Variants in SLC30A7 observed in about 807,000 individuals in gnomAD.
The protein encoded by SLC30A7 is solute carrier family 30 member 7.
A neutral mutation model predicts 46.0 loss-of-function variants in SLC30A7; 35 were observed. The ratio of observed to expected loss-of-function variants is 0.76; its 90% CI spans 0.58 to 1.01. SLC30A7 has a LOEUF of 1.01. SLC30A7 is among the 50% of genes least tolerant of loss of function. The probability of loss-of-function intolerance (pLI) is 0.00; values close to 1 mark genes in which losing one functional copy is unlikely to be tolerated. For synonymous variants in SLC30A7, 147 were observed against 157.8 expected (o/e 0.93, Z 0.51); for missense variants, 464 against 451.1 (o/e 1.03, Z -0.26).
At chr1:100,915,234 TTTC>T (rs1652447093) in intron 6 of SLC30A7, among the ~76,000 whole-genome samples, 3 of 135,162 alleles carry the variant, frequency 2.2e-5, no homozygotes, top group Non-Finnish European at 4.9e-5. Flanking sequence ...TCTTTCTTTC[TTTC>T]TTTCTTTCTT....
At chr1:100,917,040 T>C (rs891849664) in intron 6 of SLC30A7, among the ~76,000 whole-genome samples, 3 of 152,242 alleles carry the variant, frequency 2.0e-5, no homozygotes, top group Non-Finnish European at 4.4e-5. Context: ...AGAAGCTTTT[T>C]AATTTGATGT....
chr1:100,896,551 C>A lies in SLC30A7; in HGVS notation c.81-19C>A. ...CCTCCTTAACTCTCCCGGCTCTTTTCCACGTGTATCATTCCCAGGTCTATA... is the reference window on the plus strand; with the variant it reads ...CCTCCTTAACTCTCCCGGCTCTTTTACACGTGTATCATTCCCAGGTCTATA... On this transcript the variant is annotated intron_variant, in intron 1 of 10. Transcript: ENST00000357650. The A allele has an allele frequency of 6.2e-7, 1 of 1,609,246 alleles. No individual in the cohort carries two copies. The highest frequency in any genetic ancestry group is 8.5e-7 in the Non-Finnish European group (1 of 1,175,868).
chr1:100,930,244 T>A (rs1202572637), intron 8 of SLC30A7, among the ~76,000 whole-genome samples: 1 of 152,048 alleles, frequency 6.6e-6, no homozygotes, highest in East Asian at 1.9e-4. Flanking sequence ...TACCACAAAA[T>A]CATTTGTAAG....
At chr1:100,942,515 T>C (rs950366018) in intron 8 of SLC30A7, among the ~76,000 whole-genome samples, 10 of 152,130 alleles carry the variant, frequency 6.6e-5, no homozygotes, top group Admixed American at 2.0e-4. Context: ...GTGTGGGGTT[T>C]TTTCCCCAGA....
At chr1:100,896,433 G>C (rs1230744900) in intron 1 of SLC30A7, 91 bp downstream of exon 1, 5 of 1,480,760 alleles carry the variant, frequency 3.4e-6, no homozygotes, top group East Asian at 2.3e-5. Flanking sequence ...GTGAGGGAGA[G>C]TCAAAAACTC....
chr1:100,962,017 T>C (rs755680938), intron 9 of SLC30A7, 99 bp downstream of exon 9: 82 of 620,476 alleles, frequency 1.3e-4, no homozygotes, highest in Non-Finnish European at 2.0e-4. Context: ...TATAATTGAC[T>C]GTTTCTTCCA....
At chr1:100,982,854 T>A (rs1401578798), downstream of SLC30A7, among the ~76,000 whole-genome samples, 1 of 152,196 alleles carries the variant, frequency 6.6e-6, no homozygotes, top group South Asian at 2.1e-4. Flanking sequence ...TGAGACTCCC[T>A]ACCTATCCTG....
Position 100,978,440 on chromosome 1 carries a change from ATT to A in SLC30A7, c.*3584_*3585del, listed in dbSNP as rs1656701949. The stretch of plus-strand genomic sequence containing the variant: ...TCCAAAACTTAAGAACCATATTTAC[ATT>A]GCTTAACACAGAATTTTACATCTAA... On this transcript the variant is annotated 3_prime_UTR_variant, in exon 11 of 11. Transcript: ENST00000357650. 2.6e-5 allele frequency: 4 copies of A among 152,208 alleles called. No individual in the cohort carries two copies. Among genetic ancestry groups the A allele is most frequent in the Non-Finnish European group, 4.4e-5 (3 of 68,038 alleles). The allele number at this position is 152,208 out of a possible 1,614,324, so 9.4% of individuals were successfully genotyped here. A position where few individuals can be genotyped will look rare whatever the true frequency, so the allele number is the denominator to read the frequency against.
At chr1:100,973,267 G>GT (rs1656259971) in intron 10 of SLC30A7, among the ~76,000 whole-genome samples, 2 of 152,050 alleles carry the variant, frequency 1.3e-5, no homozygotes. Context: ...AGAAATTACT[G>GT]TAAGAAGGTA....
intron 8 of SLC30A7, among the ~76,000 whole-genome samples, chr1:100,923,102 GC>G (rs1374606158): frequency 1.1e-5 from 1 of 90,228 alleles, no homozygotes; most frequent in East Asian, 3.5e-4. Flanking sequence ...TGCAGGCTCC[GC>G]CCCCTGGGGT....
the SLC30A7 span, among the ~76,000 whole-genome samples, chr1:100,993,420 C>T: frequency 8.6e-5 from 13 of 150,870 alleles, no homozygotes; most frequent in Non-Finnish European, 1.3e-4. Flanking sequence ...GGCTTGGTGG[C>T]GCACGCCTGT....
chr1:100,896,656 G>C lies in SLC30A7; in HGVS notation c.167G>C (p.Gly56Ala), dbSNP rs1650967788. 1.9e-6 allele frequency: 3 copies of C among 1,613,848 alleles called. No homozygotes were observed. Among genetic ancestry groups the C allele is most frequent in the East Asian group, 2.2e-5 (1 of 44,894 alleles). ...LSFAFVELLY[G>A]IWSNCLGLIS... ...TTCGCTTTTGTGGAACTACTCTACGGCATCTGGAGCAACTGGTAACCAAAG... is the reference window on the plus strand; with the variant it reads ...TTCGCTTTTGTGGAACTACTCTACGCCATCTGGAGCAACTGGTAACCAAAG... Residue 56 changes from glycine (G) to alanine (A), a missense_variant, in exon 2 of 11, where the codon GGC becomes GCC. Transcript: ENST00000357650.
rs1284828793 is a variant in SLC30A7 at position 100,978,442 on chromosome 1, T to A, written c.*3585T>A. 1.3e-5 allele frequency: 2 copies of A among 152,206 alleles called. No individual in the cohort carries two copies. The highest frequency in any genetic ancestry group is 2.9e-5 in the Non-Finnish European group (2 of 68,024). The allele number at this position is 152,206 out of a possible 1,614,324, so 9.4% of individuals were successfully genotyped here. A position where few individuals can be genotyped will look rare whatever the true frequency, so the allele number is the denominator to read the frequency against. On this transcript the variant is annotated 3_prime_UTR_variant, in exon 11 of 11. Transcript: ENST00000357650. ...CAAAACTTAAGAACCATATTTACATTGCTTAACACAGAATTTTACATCTAA... is the reference window on the plus strand; with the variant it reads ...CAAAACTTAAGAACCATATTTACATAGCTTAACACAGAATTTTACATCTAA...
At chr1:100,983,473 T>C (rs115733334), downstream of SLC30A7, among the ~76,000 whole-genome samples, 957 of 152,052 alleles carry the variant, frequency 6.3e-3, 15 homozygotes, top group African/African-American at 0.02. Flanking sequence ...AATTCAAATT[T>C]ATCTGCTAAT....
chr1:100,989,627 G>A, the SLC30A7 span: 1 of 152,166 alleles, frequency 6.6e-6, no homozygotes, highest in African/African-American at 2.4e-5. Context: ...AACATATTTT[G>A]TGAACATTTA....
intron 6 of SLC30A7, among the ~76,000 whole-genome samples, chr1:100,915,162 ACTT>A (rs1420321567): frequency 2.5e-5 from 3 of 119,680 alleles, no homozygotes; most frequent in East Asian, 2.7e-4. Flanking sequence ...TCCCTTCCTC[ACTT>A]CTTTTCTTTT....
intron 8 of SLC30A7, among the ~76,000 whole-genome samples, chr1:100,937,526 A>G (rs1315916137): frequency 6.6e-6 from 1 of 152,174 alleles, no homozygotes; most frequent in African/African-American, 2.4e-5. Context: ...CGTAATGCGT[A>G]TCAAGTGGTC....
intron 8 of SLC30A7, among the ~76,000 whole-genome samples, chr1:100,946,270 C>G (rs1654629474): frequency 6.6e-6 from 1 of 152,174 alleles, no homozygotes; most frequent in African/African-American, 2.4e-5. Flanking sequence ...TAATTGAATA[C>G]CGTTTCTTTC....
At chr1:100,953,791 T>C (rs1308667114) in intron 8 of SLC30A7, among the ~76,000 whole-genome samples, 4 of 152,362 alleles carry the variant, frequency 2.6e-5, no homozygotes, top group South Asian at 4.1e-4. Context: ...TTTTTACTTA[T>C]ATTGCTGGTG....
Sources: allele counts gnomAD v4.1 joint callset (sites outside exome capture counted in the v4.1 genomes callset), GRCh38; gene constraint gnomAD v4.1.1; transcripts MANE v1.5; gene names NCBI Gene and HGNC (gene_info 2026-07-23, HGNC 2026-07-21).